HACD2: variants seen among roughly 807,000 people sequenced by gnomAD.
HACD2 encodes 3-hydroxyacyl-CoA dehydratase 2.
HACD2 carries 15 observed loss-of-function variants against 31.0 expected under a neutral mutation model. The observed-to-expected ratio is 0.48, with a 90% CI of 0.32 to 0.75. The LOEUF (loss-of-function observed/expected upper bound fraction) is 0.75. Among genes scored for constraint, HACD2 ranks in the 30% least tolerant of loss-of-function variants. The pLI is 0.03. For missense variants in HACD2, 283 were observed against 313.0 expected (o/e 0.90, Z 0.72); for synonymous variants, 115 against 122.2 (o/e 0.94, Z 0.39).
chr3:123,527,344 C>A (rs2056297289), intron 4 of HACD2, among the ~76,000 whole-genome samples: 1 of 152,166 alleles, frequency 6.6e-6, no homozygotes, highest in East Asian at 1.9e-4. Context: ...CTGAAAGAAA[C>A]AATTCCTAAT....
chr3:123,509,949 T>C (rs2056035806), intron 4 of HACD2, among the ~76,000 whole-genome samples: 1 of 152,212 alleles, frequency 6.6e-6, no homozygotes, highest in Admixed American at 6.5e-5. Flanking sequence ...AGGTTTTTCA[T>C]CTTACCATCA....
At chr3:123,583,732 T>C (rs1007026567) in intron 1 of HACD2, among the ~76,000 whole-genome samples, 1 of 152,100 alleles carries the variant, frequency 6.6e-6, no homozygotes, top group African/African-American at 2.4e-5. Context: ...TAAAAAGGGA[T>C]AGGGGGATGT....
intron 2 of HACD2, among the ~76,000 whole-genome samples, chr3:123,574,941 C>T (rs964767620): frequency 6.6e-5 from 10 of 152,066 alleles, no homozygotes; most frequent in African/African-American, 2.2e-4. Context: ...AAATTTACAT[C>T]GTTATGTTTA....
chr3:123,521,600 CAAA>C (rs550514768), intron 4 of HACD2, among the ~76,000 whole-genome samples: 2 of 118,384 alleles, frequency 1.7e-5, no homozygotes, highest in Non-Finnish European at 3.7e-5. Flanking sequence ...GTGAGAGAGC[CAAA>C]AAAAAAAAAA....
chr3:123,576,365 TG>T (rs1283819104), intron 2 of HACD2, among the ~76,000 whole-genome samples: 1 of 152,116 alleles, frequency 6.6e-6, no homozygotes, highest in African/African-American at 2.4e-5. Flanking sequence ...GAGGCCTGTG[TG>T]GGTGGGTTCC....
At chr3:123,573,669 T>C (rs2056878257) in intron 2 of HACD2, among the ~76,000 whole-genome samples, 1 of 152,194 alleles carries the variant, frequency 6.6e-6, no homozygotes, top group Admixed American at 6.5e-5. Context: ...AGGATCCTTA[T>C]GTAACTCCTT....
At chr3:123,563,142 T>G (rs2056752387) in intron 3 of HACD2, among the ~76,000 whole-genome samples, 1 of 152,200 alleles carries the variant, frequency 6.6e-6, no homozygotes, top group South Asian at 2.1e-4. Context: ...TCTAAAAATA[T>G]TCAGTGGTAC....
intron 2 of HACD2, 132 bp from the exon 3 acceptor site, chr3:123,567,912 A>G (rs1287860988): frequency 1.1e-5 from 5 of 470,764 alleles, no homozygotes; most frequent in Non-Finnish European, 1.1e-5. Context: ...AAAAATGAAC[A>G]TTCCATTTTT....
chr3:123,581,750 A>G (rs1329067172), intron 2 of HACD2, among the ~76,000 whole-genome samples: 1 of 152,234 alleles, frequency 6.6e-6, no homozygotes, highest in African/African-American at 2.4e-5. Flanking sequence ...AGGGCTGGAT[A>G]TACATTGCCC....
intron 2 of HACD2, among the ~76,000 whole-genome samples, chr3:123,581,613 T>C (rs967893375): frequency 2.6e-5 from 4 of 152,238 alleles, no homozygotes; most frequent in Non-Finnish European, 5.9e-5. Context: ...CTAGTTTCTT[T>C]GTAAATTAAT....
intron 3 of HACD2, among the ~76,000 whole-genome samples, chr3:123,529,202 G>A (rs2056321479): frequency 6.6e-6 from 1 of 152,128 alleles, no homozygotes. Flanking sequence ...CCAGGTTCAA[G>A]TGATTCTTGT....
intron 3 of HACD2, among the ~76,000 whole-genome samples, chr3:123,533,909 C>T (rs1206719642): frequency 6.6e-6 from 1 of 152,206 alleles, no homozygotes; most frequent in East Asian, 1.9e-4. Flanking sequence ...ATATCTCTGT[C>T]AGCAGTGCAA....
rs551111020 is a variant in HACD2 at position 123,493,837 on chromosome 3, T to A, written c.*1051A>T. On this transcript the variant is annotated 3_prime_UTR_variant, in exon 7 of 7. Coordinates refer to ENST00000383657, the MANE Select transcript of HACD2 (RefSeq NM_198402.5). ...TATGGACTTATAGCTTGGTGGAAATTAACATAGGAAGTTAATTAGCAAAAG... is the reference window on the plus strand; with the variant it reads ...TATGGACTTATAGCTTGGTGGAAATAAACATAGGAAGTTAATTAGCAAAAG... 1 of 152,230 alleles carries A rather than the reference T, an allele frequency of 6.6e-6. No homozygotes were observed. The highest frequency in any genetic ancestry group is 2.1e-4 in the South Asian group (1 of 4,830). 9.4% of individuals were successfully genotyped at this position (152,230 alleles called of 1,614,324 possible).
Position 123,585,023 on chromosome 3 carries a change from G to C in HACD2, c.5C>G (p.Ala2Gly). Reference sequence around the variant, plus strand: ...CGCTGCTGCAGTCGCCGCCACTGCCGCCATGTCAAGTGCCCGAAGCCCGCT... The same window carrying C: ...CGCTGCTGCAGTCGCCGCCACTGCCCCCATGTCAAGTGCCCGAAGCCCGCT... Reference protein sequence around the residue: MAAVAATAAAKG... With the variant: MGAVAATAAAKG... Residue 2 changes from alanine (A) to glycine (G), a missense_variant, in exon 1 of 7, where the codon GCG becomes GGG. Around this residue, in one of 3 missense-constraint regions of HACD2, gnomAD observed 158 missense variants for 148.3 expected, o/e 1.07. Coordinates refer to ENST00000383657, the MANE Select transcript of HACD2 (RefSeq NM_198402.5). 1 of 1,460,850 alleles carries C rather than the reference G, an allele frequency of 6.8e-7. No individual in the cohort carries two copies. The highest frequency in any genetic ancestry group is 2.9e-5 in the East Asian group (1 of 34,614). The allele number at this position is 1,460,850 out of a possible 1,614,324, so 90.5% of individuals were successfully genotyped here.
At chr3:123,569,080 C>T (rs1253774098) in intron 2 of HACD2, among the ~76,000 whole-genome samples, 1 of 152,012 alleles carries the variant, frequency 6.6e-6, no homozygotes, top group Non-Finnish European at 1.5e-5. Context: ...TACTATTTCA[C>T]TCAATTTGTG....
intron 3 of HACD2, among the ~76,000 whole-genome samples, chr3:123,536,866 A>G (rs1256410118): frequency 6.6e-6 from 1 of 152,202 alleles, no homozygotes; most frequent in African/African-American, 2.4e-5. Context: ...CAATACTACA[A>G]TAAGGCAAAA....
At chr3:123,578,118 T>A (rs2056927037) in intron 2 of HACD2, among the ~76,000 whole-genome samples, 1 of 152,242 alleles carries the variant, frequency 6.6e-6, no homozygotes, top group South Asian at 2.1e-4. Context: ...ATAAATGAAA[T>A]CATACTATTT....
chr3:123,524,694 T>C (rs1435505149), intron 4 of HACD2, among the ~76,000 whole-genome samples: 3 of 152,172 alleles, frequency 2.0e-5, no homozygotes, highest in East Asian at 1.9e-4. Context: ...TTTGTAGAGA[T>C]GAGGTCTCAC....
At chr3:123,574,471 A>C (rs959051805) in intron 2 of HACD2, among the ~76,000 whole-genome samples, 1 of 152,216 alleles carries the variant, frequency 6.6e-6, no homozygotes, top group African/African-American at 2.4e-5. Flanking sequence ...ATGTATTTTT[A>C]CTATACTCTA....
Sources: allele counts gnomAD v4.1 joint callset (sites outside exome capture counted in the v4.1 genomes callset), GRCh38; gene constraint gnomAD v4.1.1; regional missense constraint gnomAD v4.1.1; transcripts MANE v1.5; gene names NCBI Gene and HGNC (gene_info 2026-07-23, HGNC 2026-07-21).